The following RALYL variants were observed in gnomAD, a reference collection of about 807,000 sequenced individuals.
RALYL encodes RNA-binding Raly-like protein.
In RALYL, 29 loss-of-function variants were observed where a neutral mutation model predicts 35.1. The observed-to-expected ratio is 0.83, with a 90% CI of 0.61 to 1.13. The LOEUF (loss-of-function observed/expected upper bound fraction) is 1.13. Ranked by LOEUF, RALYL falls within the 50% of genes most tolerant of loss-of-function variation. RALYL has a pLI of 0.00. For missense variants in RALYL, 359 were observed against 360.4 expected, an observed-to-expected ratio of 1.00 and a Z score of 0.03; for synonymous variants, 120 against 127.6, an observed-to-expected ratio of 0.94 and a Z score of 0.40.
chr8:84,753,016 G>A (rs1025601527), intron 2 of RALYL, among the ~76,000 whole-genome samples: 1 of 152,152 alleles, frequency 6.6e-6, no homozygotes. Context: ...CTTGCATTGT[G>A]TGCCTGGAAA....
intron 1 of RALYL, among the ~76,000 whole-genome samples, chr8:84,430,086 C>A (rs1320092437): frequency 1.3e-5 from 2 of 151,752 alleles, no homozygotes; most frequent in East Asian, 3.9e-4. Context: ...GTTAAATTTG[C>A]CACAGAAGAT....
At chr8:84,604,278 CAT>C (rs1441651040) in intron 2 of RALYL, among the ~76,000 whole-genome samples, 1 of 152,122 alleles carries the variant, frequency 6.6e-6, no homozygotes, top group African/African-American at 2.4e-5. Flanking sequence ...TACTAAGTAA[CAT>C]GTGGCTTATT....
At chr8:84,522,285 T>A (rs1409456162) in intron 1 of RALYL, among the ~76,000 whole-genome samples, 4 of 148,634 alleles carry the variant, frequency 2.7e-5, no homozygotes, top group African/African-American at 9.9e-5. Flanking sequence ...AGTCTCGCTC[T>A]GTCGCCCAGG....
intron 2 of RALYL, among the ~76,000 whole-genome samples, chr8:84,673,981 T>G (rs1219697632): frequency 6.6e-6 from 1 of 152,234 alleles, no homozygotes; most frequent in Non-Finnish European, 1.5e-5. Flanking sequence ...TATGGCTATT[T>G]TCATGATATT....
rs534450852 is a variant in RALYL, at chr8:84,368,041, A to G, written c.-23-161258A>G. On this transcript the variant is annotated intron_variant, in intron 1 of 8. Coordinates refer to ENST00000521268, the MANE Select transcript of RALYL (RefSeq NM_173848.7). The stretch of plus-strand genomic sequence containing the variant: ...CTGATTTCTAAAACTATGTGATTCT[A>G]TCATACCACTGTACTTCAACAAGTC... 2.0e-5 allele frequency among the ~76,000 whole-genome samples: 3 copies of G among 152,322 alleles called. No individual in the cohort carries two copies. The South Asian group carries it at 6.2e-4, about 32-fold the overall frequency.
At chr8:84,206,224 T>G (rs550366064) in intron 1 of RALYL, among the ~76,000 whole-genome samples, 1 of 152,170 alleles carries the variant, frequency 6.6e-6, no homozygotes, top group Non-Finnish European at 1.5e-5. Context: ...ACTAAGAGTA[T>G]AGATCACAGT....
intron 1 of RALYL, among the ~76,000 whole-genome samples, chr8:84,406,593 T>C (rs1056885229): frequency 6.6e-6 from 1 of 151,972 alleles, no homozygotes; most frequent in African/African-American, 2.4e-5. Context: ...TCTTTTGATA[T>C]AACCATTTTG....
At chr8:84,820,412 G>C (rs924071010) in intron 4 of RALYL, among the ~76,000 whole-genome samples, 1 of 152,154 alleles carries the variant, frequency 6.6e-6, no homozygotes, top group East Asian at 1.9e-4. Flanking sequence ...AACCTTAAGT[G>C]ATGTTTCAGA....
At chr8:84,378,914 C>T (rs1052714037) in intron 1 of RALYL, among the ~76,000 whole-genome samples, 1 of 151,830 alleles carries the variant, frequency 6.6e-6, no homozygotes, top group Admixed American at 6.6e-5. Flanking sequence ...TGTTCTAGTT[C>T]CGTATTTCTA....
intron 6 of RALYL, among the ~76,000 whole-genome samples, chr8:84,867,662 T>A (rs1018076518): frequency 1.6e-4 from 24 of 152,340 alleles, no homozygotes; most frequent in African/African-American, 5.8e-4. Context: ...AGACTGTTTT[T>A]GCTTGCTGAA....
intron 1 of RALYL, among the ~76,000 whole-genome samples, chr8:84,311,024 G>A (rs544922808): frequency 2.3e-4 from 22 of 97,276 alleles, no homozygotes; most frequent in South Asian, 1.4e-3. Context: ...TCCGCAGTCC[G>A]ACCTGGGCGA....
At chr8:84,572,638 T>A (rs189581989) in intron 2 of RALYL, among the ~76,000 whole-genome samples, 1 of 151,970 alleles carries the variant, frequency 6.6e-6, no homozygotes, top group East Asian at 1.9e-4. Context: ...ACAAATAGAA[T>A]CCTCTGTTCT....
At chr8:84,781,978 A>T (rs922054623) in intron 3 of RALYL, among the ~76,000 whole-genome samples, 1 of 152,064 alleles carries the variant, frequency 6.6e-6, no homozygotes, top group African/African-American at 2.4e-5. Context: ...ACAGCATAGC[A>T]GGTACCACCT....
chr8:84,420,521 C>A (rs1464013757), intron 1 of RALYL, among the ~76,000 whole-genome samples: 1 of 148,428 alleles, frequency 6.7e-6, no homozygotes, highest in Non-Finnish European at 1.5e-5. Flanking sequence ...ATGGTAGTTT[C>A]TTTTGCTGTG....
intron 1 of RALYL, among the ~76,000 whole-genome samples, chr8:84,307,009 A>G (rs991317536): frequency 6.6e-6 from 1 of 151,874 alleles, no homozygotes; most frequent in Non-Finnish European, 1.5e-5. Context: ...GACAAGTTCT[A>G]CCACACAGAG....
chr8:84,339,785 C>G (rs1848465598), intron 1 of RALYL, among the ~76,000 whole-genome samples: 1 of 151,986 alleles, frequency 6.6e-6, no homozygotes, highest in South Asian at 2.1e-4. Flanking sequence ...CGACCTATGC[C>G]TCTTCCTAGT....
intron 2 of RALYL, among the ~76,000 whole-genome samples, chr8:84,592,966 G>A (rs1032500269): frequency 1.3e-5 from 2 of 151,924 alleles, no homozygotes; most frequent in African/African-American, 4.8e-5. Flanking sequence ...GGCTTCTTTG[G>A]GTGAATATAC....
At chr8:84,551,577 C>G (rs192655153) in intron 2 of RALYL, among the ~76,000 whole-genome samples, 4 of 151,852 alleles carry the variant, frequency 2.6e-5, no homozygotes, top group Admixed American at 2.6e-4. Context: ...TAAGCACATT[C>G]TAGTTAAGAG....
intron 2 of RALYL, among the ~76,000 whole-genome samples, chr8:84,569,677 A>G (rs532895960): frequency 6.6e-6 from 1 of 151,968 alleles, no homozygotes; most frequent in South Asian, 2.1e-4. Context: ...AATGTCCAGA[A>G]GAGTGTTTTC....
Sources: allele counts gnomAD v4.1 joint callset (sites outside exome capture counted in the v4.1 genomes callset), GRCh38; gene constraint gnomAD v4.1.1; transcripts MANE v1.5; gene names NCBI Gene and HGNC (gene_info 2026-07-23, HGNC 2026-07-21).